Variants in RASGRF2 observed in about 807,000 individuals in gnomAD.
RASGRF2 encodes Ras protein specific guanine nucleotide releasing factor 2.
RASGRF2 carries 76 observed loss-of-function variants against 151.0 expected under a neutral mutation model. The observed-to-expected ratio is 0.50, with a 90% CI of 0.42 to 0.61. The LOEUF is 0.61. RASGRF2 is among the 20% of genes least tolerant of loss of function. The probability of loss-of-function intolerance (pLI) is 0.00; values close to 1 mark genes in which losing one functional copy is unlikely to be tolerated. For missense variants in RASGRF2, 1,148 were observed against 1,564.6 expected (o/e 0.73, Z 4.49); for synonymous variants, 504 against 566.5 (o/e 0.89, Z 1.57).
At chr5:81,102,964 T>C (rs1752740769) in intron 12 of RASGRF2, among the ~76,000 whole-genome samples, 1 of 152,052 alleles carries the variant, frequency 6.6e-6, no homozygotes, top group South Asian at 2.1e-4. Flanking sequence ...TGGAGAGCAG[T>C]AGAATTAGCG....
chr5:81,074,238 G>A (rs1223116468), intron 5 of RASGRF2, among the ~76,000 whole-genome samples: 1 of 152,152 alleles, frequency 6.6e-6, no homozygotes, highest in Non-Finnish European at 1.5e-5. Context: ...AAATTTTGAT[G>A]CAGGAAGATA....
Position 81,080,859 on chromosome 5 carries a change from A to C in RASGRF2, c.1161+70A>C. ...AATGTCACTGATACCTAGCGTGACCAGCGTGAGATGCTTAAGTGTGCCCTG... is the reference window on the plus strand; with the variant it reads ...AATGTCACTGATACCTAGCGTGACCCGCGTGAGATGCTTAAGTGTGCCCTG... On this transcript the variant is annotated intron_variant, in intron 7 of 26. Transcript: ENST00000265080. The C allele has an allele frequency of 2.2e-6, 3 of 1,385,814 alleles. No homozygotes were observed. The Admixed American group carries it at 5.5e-5, about 25-fold the overall frequency. 85.8% of individuals were successfully genotyped at this position (1,385,814 alleles called of 1,614,324 possible). A position where few individuals can be genotyped will look rare whatever the true frequency, so the allele number is the denominator to read the frequency against.
intron 7 of RASGRF2, among the ~76,000 whole-genome samples, chr5:81,082,645 T>C (rs1022024688): frequency 3.3e-5 from 5 of 152,190 alleles, no homozygotes; most frequent in Admixed American, 2.0e-4. Context: ...GGTAACTATG[T>C]GGTGTTTCAA....
At chr5:81,106,730 C>T (rs1034356590) in intron 12 of RASGRF2, among the ~76,000 whole-genome samples, 2 of 152,174 alleles carry the variant, frequency 1.3e-5, no homozygotes, top group Admixed American at 1.3e-4. Flanking sequence ...GGATATCCCA[C>T]TTACTGGCAG....
At chr5:81,161,553 A>C (rs138506649) in intron 17 of RASGRF2, among the ~76,000 whole-genome samples, 2 of 152,352 alleles carry the variant, frequency 1.3e-5, no homozygotes, top group East Asian at 3.9e-4. Context: ...CTTGCTCTCC[A>C]GTTCTTAGAA....
intron 1 of RASGRF2, among the ~76,000 whole-genome samples, chr5:81,001,078 G>T (rs1749065619): frequency 6.6e-6 from 1 of 152,184 alleles, no homozygotes; most frequent in African/African-American, 2.4e-5. Flanking sequence ...TAGTTAAGAA[G>T]TTAAGAAGTA....
At chr5:81,167,104 G>A (rs1291747292) in intron 17 of RASGRF2, among the ~76,000 whole-genome samples, 13 of 152,164 alleles carry the variant, frequency 8.5e-5, no homozygotes. Flanking sequence ...ACACTGAGCT[G>A]TTAGCACCAT....
rs527247699 is a variant in RASGRF2, at chr5:81,089,129, T to C, written c.1390+2176T>C. Reference sequence around the variant, plus strand: ...TCACAGACAATTTGGAAAGTTTGCATTGTTTTGCTTTGGTTACTCCTATTA... The same window carrying C: ...TCACAGACAATTTGGAAAGTTTGCACTGTTTTGCTTTGGTTACTCCTATTA... On this transcript the variant is annotated intron_variant, in intron 9 of 26. Coordinates refer to ENST00000265080, the MANE Select transcript of RASGRF2 (RefSeq NM_006909.3). Among the ~76,000 whole-genome samples, 3 of 152,322 alleles carry C rather than the reference T, an allele frequency of 2.0e-5. No individual in the cohort carries two copies. The South Asian group carries it at 6.2e-4, about 32-fold the overall frequency.
At chr5:81,185,451 G>A (rs745694513) in intron 18 of RASGRF2, among the ~76,000 whole-genome samples, 2 of 152,150 alleles carry the variant, frequency 1.3e-5, no homozygotes, top group African/African-American at 2.4e-5. Flanking sequence ...GTAGACAGAC[G>A]CTGGGTGAAA....
At chr5:80,979,098 G>T (rs1376812491) in intron 1 of RASGRF2, among the ~76,000 whole-genome samples, 1 of 152,044 alleles carries the variant, frequency 6.6e-6, no homozygotes, top group Middle Eastern at 3.2e-3. Flanking sequence ...GCAAAGAAAT[G>T]AAGAAACAAA....
chr5:81,070,345 T>C (rs1232215447), intron 3 of RASGRF2, 147 bp from the exon 4 acceptor site: 1 of 644,296 alleles, frequency 1.6e-6, no homozygotes, highest in Admixed American at 2.4e-5. Flanking sequence ...GTTTCCCCCA[T>C]CTCAGCACCA....
intron 12 of RASGRF2, among the ~76,000 whole-genome samples, chr5:81,108,370 G>C (rs190504540): frequency 1.5e-4 from 23 of 152,310 alleles, no homozygotes; most frequent in African/African-American, 4.6e-4. Flanking sequence ...AAGAGAAAAA[G>C]ATGATACAAG....
Position 81,113,853 on chromosome 5 carries a change from G to A in RASGRF2, c.2403G>A (p.Thr801=), listed in dbSNP as rs373691552. 1.7e-5 allele frequency: 28 copies of A among 1,614,064 alleles called. No individual in the cohort carries two copies. In the Admixed American group the frequency reaches 2.0e-4, roughly 12 times the overall value. ...GLSSPEQSPG[T]VEENVDNPRV... is the part of the protein sequence containing the mutation. ...CTTCTCCAGAGCAAAGCCCGGGAAC[G>A]GTAGAAGAGAATGTCGATAACCCAC... The change falls in exon 15 of 27, where the codon ACG becomes ACA. Residue 801 remains threonine (T), a synonymous_variant. Transcript: ENST00000265080.
At chr5:81,093,844 A>G (rs1752460893) in intron 10 of RASGRF2, among the ~76,000 whole-genome samples, 1 of 152,322 alleles carries the variant, frequency 6.6e-6, no homozygotes. Context: ...TATGACTTGC[A>G]GAGCCTAAAA....
At chr5:81,057,854 G>C (rs1751277645) in intron 2 of RASGRF2, among the ~76,000 whole-genome samples, 1 of 151,976 alleles carries the variant, frequency 6.6e-6, no homozygotes, top group African/African-American at 2.4e-5. Context: ...AAATTAGCCA[G>C]GCCTGGTGGT....
chr5:80,981,218 C>T (rs773433661), intron 1 of RASGRF2, among the ~76,000 whole-genome samples: 1 of 152,104 alleles, frequency 6.6e-6, no homozygotes. Context: ...CTAATTGATA[C>T]CACAGCACGG....
chr5:81,109,193 T>A, intron 13 of RASGRF2, 115 bp downstream of exon 13: 1 of 1,431,206 alleles, frequency 7.0e-7, no homozygotes, highest in Non-Finnish European at 9.2e-7. Flanking sequence ...GAGAATATGT[T>A]TCTTGACAGG....
At chr5:81,065,335 G>C (rs983514322) in intron 2 of RASGRF2, among the ~76,000 whole-genome samples, 2 of 152,214 alleles carry the variant, frequency 1.3e-5, no homozygotes, top group South Asian at 4.1e-4. Flanking sequence ...AATGAATACA[G>C]TGTATTTTAT....
rs369429250 is a variant in RASGRF2, at chr5:81,092,805, T to G, written c.1395T>G (p.Ser465=). The G allele has an allele frequency of 8.6e-5, 139 of 1,610,638 alleles. No homozygotes were observed. The highest frequency in any genetic ancestry group is 1.1e-4 in the Non-Finnish European group (130 of 1,178,742). ...DTSQTFIRQG[S]LIQVPSVERG... ...CTTCATTTTTGTAATCACCAGGTTC[T>G]CTTATTCAAGTACCTTCCGTTGAGA... is the stretch of plus-strand genomic sequence containing the variant. Residue 465 remains serine, a synonymous_variant, in exon 10 of 27, where the codon TCT becomes TCG. Coordinates refer to ENST00000265080, the MANE Select transcript of RASGRF2 (RefSeq NM_006909.3).
Sources: allele counts gnomAD v4.1 joint callset (sites outside exome capture counted in the v4.1 genomes callset), GRCh38; gene constraint gnomAD v4.1.1; transcripts MANE v1.5; gene names NCBI Gene and HGNC (gene_info 2026-07-23, HGNC 2026-07-21).